RTKN2: variants seen among roughly 807,000 people sequenced by gnomAD.
RTKN2 encodes rhotekin-2.
In RTKN2, 69 loss-of-function variants were observed where a neutral mutation model predicts 71.5. The observed-to-expected ratio is 0.96, with a 90% CI of 0.79 to 1.18. RTKN2 has a LOEUF of 1.18. Ranked by LOEUF, RTKN2 falls within the 50% of genes most tolerant of loss-of-function variation. The probability of loss-of-function intolerance (pLI) is 0.00; values close to 1 mark genes in which losing one functional copy is unlikely to be tolerated. For missense variants in RTKN2, 724 were observed against 719.7 expected (o/e 1.01, Z -0.07); for synonymous variants, 236 against 236.5 (o/e 1.00, Z 0.02).
In RTKN2 at chr10:62,197,003, AG is replaced by A; in HGVS notation, c.*904del. 2 of 972,798 alleles carry A rather than the reference AG, an allele frequency of 2.1e-6. No homozygotes were observed. Among genetic ancestry groups the A allele is most frequent in the South Asian group, 9.5e-5 (2 of 21,010 alleles). 60.3% of individuals were successfully genotyped at this position (972,798 alleles called of 1,614,324 possible). A position where few individuals can be genotyped will look rare whatever the true frequency, so the allele number is the denominator to read the frequency against. On this transcript the variant is annotated 3_prime_UTR_variant, in exon 12 of 12. Transcript: ENST00000373789. ...GCAGACATCAACTCTTACTAGGAAA[AG>A]GAAATCTAATTAAAATTTTAAAAAA...
At chr10:62,258,262 A>G (rs1842709993) in intron 2 of RTKN2, among the ~76,000 whole-genome samples, 1 of 152,236 alleles carries the variant, frequency 6.6e-6, no homozygotes, top group East Asian at 1.9e-4. Flanking sequence ...TTAGGACATT[A>G]GGACTTAATT....
At chr10:62,256,005 T>G (rs757336894) in intron 2 of RTKN2, among the ~76,000 whole-genome samples, 10 of 148,020 alleles carry the variant, frequency 6.8e-5, no homozygotes, top group Admixed American at 2.8e-4. Flanking sequence ...AAAGGCTATA[T>G]TTTTAAAATC....
chr10:62,225,307 G>A (rs1841997862), intron 6 of RTKN2, among the ~76,000 whole-genome samples: 1 of 152,184 alleles, frequency 6.6e-6, no homozygotes, highest in Non-Finnish European at 1.5e-5. Flanking sequence ...GAGCACCCAG[G>A]TGGGTTCCAC....
At position 62,197,276 on chromosome 10, in the gene RTKN2, G is replaced by A; in HGVS notation, c.*632C>T. On this transcript the variant is annotated 3_prime_UTR_variant, in exon 12 of 12. Transcript: ENST00000373789. ...GAAAGTTAATGTCAACAGTATTTCA[G>A]GGCTCATCAAGGAAACAAGTTTGAA... 1 of 985,538 alleles carries A rather than the reference G, an allele frequency of 1.0e-6. No homozygotes were observed. Among genetic ancestry groups the A allele is most frequent in the Non-Finnish European group, 1.2e-6 (1 of 829,768 alleles). 61.0% of individuals were successfully genotyped at this position (985,538 alleles called of 1,614,324 possible).
In RTKN2 at chr10:62,262,696, A is replaced by G. The variant is rs1314402377; in HGVS notation, c.186T>C (p.Asn62=). The G allele has an allele frequency of 7.4e-6, 12 of 1,613,592 alleles. No individual in the cohort carries two copies. In the African/African-American group the frequency reaches 8.0e-5, roughly 11 times the overall value. Residue 62 remains asparagine (N), a synonymous_variant, in exon 2 of 12, where the codon AAT becomes AAC. Coordinates refer to ENST00000373789, the MANE Select transcript of RTKN2 (RefSeq NM_145307.4). The part of the protein sequence containing the change: ...LHAVKNLMVC[N]ARLMAYTSEL... ...CCGATGTATAGGCCATTAGTCGAGCATTGCACACCATGAGATTCTTAACTG... is the reference window on the plus strand; with the variant it reads ...CCGATGTATAGGCCATTAGTCGAGCGTTGCACACCATGAGATTCTTAACTG...
intron 8 of RTKN2, among the ~76,000 whole-genome samples, chr10:62,185,484 C>G (rs189120932): frequency 6.6e-6 from 1 of 151,978 alleles, no homozygotes; most frequent in African/African-American, 2.4e-5. Flanking sequence ...GGTGTGGTGG[C>G]GGGCACCTGT....
chr10:62,237,468 A>G (rs563337681), intron 5 of RTKN2, among the ~76,000 whole-genome samples: 25 of 152,080 alleles, frequency 1.6e-4, no homozygotes, highest in African/African-American at 5.8e-4. Context: ...GGCAATCTTA[A>G]CTCAATTTAA....
chr10:62,217,033 A>G, intron 9 of RTKN2, 85 bp downstream of exon 9: 1 of 986,014 alleles, frequency 1.0e-6, no homozygotes, highest in South Asian at 2.8e-5. Flanking sequence ...TCTTTTATTT[A>G]TAAGACAACA....
chr10:62,214,650 T>A (rs946692296), intron 9 of RTKN2, among the ~76,000 whole-genome samples: 1 of 152,182 alleles, frequency 6.6e-6, no homozygotes, highest in African/African-American at 2.4e-5. Flanking sequence ...ACAGTTTTAT[T>A]ATAAATGTTC....
At chr10:62,215,148 G>A in intron 9 of RTKN2, 1 of 1,056,862 alleles carries the variant, frequency 9.5e-7, no homozygotes, top group South Asian at 1.6e-5. Flanking sequence ...ATATTCTATG[G>A]TATAAAATAT....
chr10:62,198,020 C>T lies in RTKN2; in HGVS notation c.1718G>A (p.Gly573Asp), dbSNP rs1455858584. Residue 573 changes from glycine (G) to aspartate (D), a missense_variant, in exon 12 of 12, where the codon GGT (glycine) becomes GAT (aspartate). Coordinates refer to ENST00000373789, the MANE Select transcript of RTKN2 (RefSeq NM_145307.4). Reference sequence around the variant, plus strand: ...ATTGGTTTTAGTGTCTGTGTGCTCACCATCACTTAATCTATTTCTCCTGGC... The same window carrying T: ...ATTGGTTTTAGTGTCTGTGTGCTCATCATCACTTAATCTATTTCTCCTGGC... ...LPARRNRLSD[G>D]EHTDTKTNFE... 1 of 1,613,910 alleles carries T rather than the reference C, an allele frequency of 6.2e-7. No homozygotes were observed. The highest frequency in any genetic ancestry group is 1.3e-5 in the African/African-American group (1 of 74,898).
At chr10:62,224,258 T>C (rs1051957872) in intron 6 of RTKN2, among the ~76,000 whole-genome samples, 1 of 152,044 alleles carries the variant, frequency 6.6e-6, no homozygotes, top group South Asian at 2.1e-4. Flanking sequence ...CTTCTGGAGA[T>C]GGAGGGTGGT....
chr10:62,190,412 G>T (rs529783623), downstream of RTKN2, among the ~76,000 whole-genome samples: 10 of 152,112 alleles, frequency 6.6e-5, 1 homozygote, highest in African/African-American at 2.4e-4. Context: ...TGTAAAATGG[G>T]GATTGTTAAA....
intron 9 of RTKN2, chr10:62,214,958 G>A (rs758829037): frequency 7.3e-6 from 5 of 680,486 alleles, no homozygotes; most frequent in Admixed American, 3.3e-5. Context: ...TCTGATCTCT[G>A]AGACTATTTC....
downstream of RTKN2, among the ~76,000 whole-genome samples, chr10:62,190,702 A>C (rs1841208187): frequency 6.6e-6 from 1 of 152,102 alleles, no homozygotes; most frequent in African/African-American, 2.4e-5. Flanking sequence ...GTCCAAGACA[A>C]CGTGGCTAGT....
intron 8 of RTKN2, among the ~76,000 whole-genome samples, chr10:62,185,115 T>C (rs1841113554): frequency 6.6e-6 from 1 of 152,112 alleles, no homozygotes; most frequent in Non-Finnish European, 1.5e-5. Flanking sequence ...TTTTCAGTAC[T>C]AACTTTAGAT....
chr10:62,245,942 C>A, intron 3 of RTKN2, 57 bp downstream of exon 3: 2 of 1,067,242 alleles, frequency 1.9e-6, no homozygotes, highest in South Asian at 1.5e-5. Flanking sequence ...CAAAATCCAC[C>A]ATGTAGTTAC....
At position 62,264,836 on chromosome 10, in the gene RTKN2, A is replaced by AT. The variant is rs11357727; in HGVS notation, c.61-2016dup. Among the ~76,000 whole-genome samples the AT allele has an allele frequency of 5.5e-3, 801 of 146,278 alleles. 10 individuals carry two copies. Among genetic ancestry groups the AT allele is most frequent in the African/African-American group, 0.018 (718 of 39,888 alleles). Reference sequence around the variant, plus strand: ...GGCTCTCTGGAGGTGGGGCTTGAGCATTTTTTTTTTTTTTTACAGTTCCTC... The same window carrying AT: ...GGCTCTCTGGAGGTGGGGCTTGAGCATTTTTTTTTTTTTTTTACAGTTCCTC... On this transcript the variant is annotated intron_variant, in intron 1 of 11. Transcript: ENST00000373789.
intron 5 of RTKN2, chr10:62,238,996 T>A (rs61619017): frequency 0.19 from 28,490 of 151,910 alleles, 2,992 homozygotes; most frequent in African/African-American, 0.27. Flanking sequence ...AAAACTATGT[T>A]AGTTAAAAAT....
Sources: gnomAD v4.1 joint callset for allele counts (sites outside exome capture counted in the v4.1 genomes callset) on GRCh38, gnomAD v4.1.1 for gene constraint, MANE v1.5 for transcripts, NCBI Gene and HGNC (gene_info 2026-07-23, HGNC 2026-07-21) for gene names.